KIFC3: variants seen among roughly 807,000 people sequenced by gnomAD.
KIFC3 encodes the protein kinesin family member C3, also known as kinesin-like protein KIFC3.
A neutral mutation model predicts 101.8 loss-of-function variants in KIFC3; 60 were observed. That is an observed-to-expected ratio of 0.59 (90% confidence interval 0.48 to 0.73). The LOEUF (loss-of-function observed/expected upper bound fraction) is 0.73, where lower values mean the gene tolerates loss of function less well. Among genes scored for constraint, KIFC3 ranks in the 30% least tolerant of loss-of-function variants. The pLI, the probability that KIFC3 is intolerant of heterozygous loss-of-function variation, is 0.00. For missense variants in KIFC3, 966 were observed against 1,137.1 expected, an observed-to-expected ratio of 0.85 and a Z score of 2.16; for synonymous variants, 476 against 482.7, an observed-to-expected ratio of 0.99 and a Z score of 0.18.
At chr16:57,801,920 G>A (rs2054752811) in intron 1 of KIFC3, among the ~76,000 whole-genome samples, 1 of 152,210 alleles carries the variant, frequency 6.6e-6, no homozygotes, top group African/African-American at 2.4e-5. Context: ...CTCTGGGCGG[G>A]CGCACCCCGC....
At position 57,758,858 on chromosome 16, in the gene KIFC3, C is replaced by T. The variant is rs782158830; in HGVS notation, c.*76G>A. On this transcript the variant is annotated 3_prime_UTR_variant, in exon 20 of 20. Transcript: ENST00000445690. ...CAGGGACAGGCCAGTGAGGGCCCAG[C>T]TTCAGGCCCAGCGGGGTCACATCCG... 1.1e-5 allele frequency: 18 copies of T among 1,608,390 alleles called. No individual in the cohort carries two copies. The Middle Eastern group carries it at 8.3e-4, about 74-fold the overall frequency.
chr16:57,803,416 T>A, upstream of KIFC3: 3 of 510,006 alleles, frequency 5.9e-6, no homozygotes, highest in South Asian at 3.1e-5. Context: ...AGAAAGCAAG[T>A]CACTCTGAAG....
At chr16:57,852,763 AGCC>A (rs2056083755) in intron 1 of KIFC3, among the ~76,000 whole-genome samples, 2 of 5,020 alleles carry the variant, frequency 4.0e-4, no homozygotes, top group Admixed American at 8.2e-3. Context: ...AGCTCCCGTG[AGCC>A]GTGAGCCAAA....
intron 1 of KIFC3, chr16:57,815,752 G>C: frequency 1.0e-6 from 1 of 957,298 alleles, no homozygotes; most frequent in South Asian, 1.4e-5. Flanking sequence ...CTTGTCCCAC[G>C]GCCAAGTTGC....
chr16:57,816,894 C>G (rs1013624479), intron 1 of KIFC3: 33 of 381,480 alleles, frequency 8.7e-5, no homozygotes, highest in African/African-American at 6.5e-4. Flanking sequence ...CACAACCGAC[C>G]TTGAACCATA....
At chr16:57,858,782 A>C (rs1322644807) in intron 1 of KIFC3, among the ~76,000 whole-genome samples, 2 of 152,132 alleles carry the variant, frequency 1.3e-5, no homozygotes, top group Non-Finnish European at 2.9e-5. Flanking sequence ...CACTGTTTCT[A>C]CTAAAAGTAC....
At chr16:57,817,408 A>G (rs550307972) in intron 1 of KIFC3, among the ~76,000 whole-genome samples, 198 of 152,180 alleles carry the variant, frequency 1.3e-3, no homozygotes, top group African/African-American at 4.5e-3. Flanking sequence ...AAAGGACTGT[A>G]TTCTCTTACA....
chr16:57,790,030 C>G (rs1302436273), intron 3 of KIFC3, among the ~76,000 whole-genome samples: 4 of 148,984 alleles, frequency 2.7e-5, no homozygotes, highest in South Asian at 4.3e-4. Context: ...AGCCACTGCG[C>G]CTGGCCATTT....
intron 3 of KIFC3, chr16:57,788,601 C>T (rs1555618843): frequency 1.6e-6 from 2 of 1,289,212 alleles, no homozygotes; most frequent in Admixed American, 4.6e-5. Flanking sequence ...CATGGTGCCA[C>T]CAGCTTCCCG....
intron 1 of KIFC3, among the ~76,000 whole-genome samples, chr16:57,834,524 T>C (rs1555479986): frequency 6.6e-6 from 1 of 152,140 alleles, no homozygotes; most frequent in Non-Finnish European, 1.5e-5. Context: ...TATTTTATTA[T>C]TTTTAGAGAC....
rs2049425716 is a variant in KIFC3, at chr16:57,758,753, G to A, written c.*181C>T. The A allele has an allele frequency of 1.0e-6, 1 of 992,076 alleles. No homozygotes were observed. Among genetic ancestry groups the A allele is most frequent in the Non-Finnish European group, 1.6e-6 (1 of 628,018 alleles). 61.5% of individuals were successfully genotyped at this position (992,076 alleles called of 1,614,324 possible). ...AGAGACACCGTTTCCTTCTGAACAT[G>A]TTTCTCATCTTTGAGGGGAGACGGG... On this transcript the variant is annotated 3_prime_UTR_variant, in exon 20 of 20. Transcript: ENST00000445690.
intron 1 of KIFC3, among the ~76,000 whole-genome samples, chr16:57,840,508 C>A (rs2055782545): frequency 6.6e-6 from 1 of 152,070 alleles, no homozygotes; most frequent in Non-Finnish European, 1.5e-5. Context: ...TGCCTGTAAT[C>A]CCAGCACTTT....
chr16:57,853,024 C>A (rs982606422), intron 1 of KIFC3, among the ~76,000 whole-genome samples: 1 of 151,614 alleles, frequency 6.6e-6, no homozygotes. Flanking sequence ...GAAATATATA[C>A]CTAGAAAATC....
intron 1 of KIFC3, among the ~76,000 whole-genome samples, chr16:57,837,675 T>C (rs955432690): frequency 2.0e-5 from 3 of 152,142 alleles, no homozygotes; most frequent in Non-Finnish European, 4.4e-5. Flanking sequence ...TGGGCAGACA[T>C]GTGTCCTCAG....
At chr16:57,862,797 T>C (rs1959376326) in exon 1 of KIFC3, 2 of 1,289,560 alleles carry the variant, frequency 1.6e-6, no homozygotes, top group African/African-American at 1.5e-5. Context: ...CATGCAGCTG[T>C]CAGAGTGTTC....
At chr16:57,855,487 A>G (rs945617614) in intron 1 of KIFC3, among the ~76,000 whole-genome samples, 3 of 152,112 alleles carry the variant, frequency 2.0e-5, no homozygotes, top group Non-Finnish European at 4.4e-5. Context: ...CAAAAGTACA[A>G]CATATAAAAA....
At chr16:57,803,166 C>G (rs1420828130), upstream of KIFC3, 1 of 844,524 alleles carries the variant, frequency 1.2e-6, no homozygotes, top group African/African-American at 1.7e-5. Context: ...GCCTGGAGTC[C>G]CTTAAGGTAA....
At chr16:57,803,032 C>T (rs782300755), upstream of KIFC3, 3 of 1,535,882 alleles carry the variant, frequency 2.0e-6, no homozygotes, top group South Asian at 3.6e-5. Context: ...CTGTTTACAG[C>T]GCACACGCTC....
At position 57,769,976 on chromosome 16, in the gene KIFC3, C is replaced by A; in HGVS notation, c.940-21G>T. The A allele has an allele frequency of 6.2e-7, 1 of 1,605,920 alleles. No individual in the cohort carries two copies. Among genetic ancestry groups the A allele is most frequent in the Non-Finnish European group, 8.5e-7 (1 of 1,178,506 alleles). On this transcript the variant is annotated intron_variant, in intron 7 of 19. Coordinates refer to ENST00000445690, the MANE Select transcript of KIFC3 (RefSeq NM_001130100.2). The surrounding 1 kb of genome is among the most constrained non-coding windows in gnomAD (Gnocchi z 4.3). ...GCAATCTGGCCAGACCAGGAAAAGG[C>A]TCAGTACCTCGAGGTGCGGGAGAGA...
Sources: gnomAD v4.1 joint callset for allele counts (sites outside exome capture counted in the v4.1 genomes callset) on GRCh38, gnomAD v4.1.1 for gene constraint, Gnocchi (gnomAD v3.1) non-coding constraint, MANE v1.5 for transcripts, NCBI Gene and HGNC (gene_info 2026-07-23, HGNC 2026-07-21) for gene names.